HORMAD2: variants seen among roughly 807,000 people sequenced by gnomAD.
HORMAD2 encodes the protein HORMA domain-containing protein 2.
Under a neutral mutation model 38.8 loss-of-function variants are expected in HORMAD2, and 45 were observed. That is an observed-to-expected ratio of 1.16 (90% CI 0.91 to 1.49). The LOEUF (loss-of-function observed/expected upper bound fraction) is 1.49, where lower values mean the gene tolerates loss of function less well. HORMAD2 is among the 40% of genes most tolerant of loss of function. The pLI is 0.00. For synonymous variants in HORMAD2, 126 were observed against 122.8 expected (o/e 1.03, Z -0.17); for missense variants, 338 against 367.0 (o/e 0.92, Z 0.65).
At chr22:30,132,944 C>T in intron 10 of HORMAD2, among the ~76,000 whole-genome samples, 1 of 152,046 alleles carries the variant, frequency 6.6e-6, no homozygotes. Context: ...TTGGATGTTA[C>T]AATTAATAAG....
At chr22:30,130,925 AG>A (rs377092996) in intron 10 of HORMAD2, among the ~76,000 whole-genome samples, 12 of 152,130 alleles carry the variant, frequency 7.9e-5, no homozygotes, top group African/African-American at 2.6e-4. Flanking sequence ...GGGGTGTTTT[AG>A]GCCTAAGCTA....
chr22:30,180,917 CT>C (rs1251530105), downstream of HORMAD2, among the ~76,000 whole-genome samples: 7 of 73,246 alleles, frequency 9.6e-5, no homozygotes, highest in Admixed American at 2.3e-4. Flanking sequence ...TTCCCTTTCC[CT>C]TCCCTCTCCT....
intron 10 of HORMAD2, among the ~76,000 whole-genome samples, chr22:30,122,900 GTGTTA>G (rs1032984970): frequency 6.6e-6 from 1 of 152,166 alleles, no homozygotes; most frequent in African/African-American, 2.4e-5. Context: ...TGACAACATT[GTGTTA>G]AAAGGGTTCT....
chr22:30,206,051 C>T, the HORMAD2 span, among the ~76,000 whole-genome samples: 9 of 152,310 alleles, frequency 5.9e-5, no homozygotes, highest in Middle Eastern at 3.4e-3. Flanking sequence ...GCAACTCTCG[C>T]GTGCTCAGTA....
At chr22:30,135,614 C>T (rs972819125) in intron 10 of HORMAD2, among the ~76,000 whole-genome samples, 8 of 152,108 alleles carry the variant, frequency 5.3e-5, no homozygotes, top group Admixed American at 3.9e-4. Flanking sequence ...AAACTGGCAA[C>T]TTAACAATTC....
chr22:30,135,633 C>G (rs1442550574), intron 10 of HORMAD2, among the ~76,000 whole-genome samples: 1 of 152,130 alleles, frequency 6.6e-6, no homozygotes, highest in Non-Finnish European at 1.5e-5. Flanking sequence ...TCCCAGAGCT[C>G]TCACAGGGAT....
intron 7 of HORMAD2, among the ~76,000 whole-genome samples, chr22:30,115,668 A>G (rs1055181031): frequency 6.6e-6 from 1 of 152,202 alleles, no homozygotes; most frequent in Non-Finnish European, 1.5e-5. Flanking sequence ...CTAGAAGCCT[A>G]CGTTCTTATG....
chr22:30,104,303 A>C, intron 4 of HORMAD2, 98 bp from the exon 5 acceptor site: 2 of 870,744 alleles, frequency 2.3e-6, no homozygotes, highest in Non-Finnish European at 3.8e-6. Flanking sequence ...TATCAACTTA[A>C]TGTACATCAA....
chr22:30,149,637 C>T lies in HORMAD2; in HGVS notation c.820-26426C>T, dbSNP rs9625929. ...TCCTGGAATTTCCTTTCGCCAACTT[C>T]CAGGGAATTCTTTGCCCCTCCCCTG... On this transcript the variant is annotated intron_variant, in intron 10 of 10. Transcript: ENST00000336726. Among the ~76,000 whole-genome samples, 1,073 of 152,312 alleles carry T rather than the reference C, an allele frequency of 7.0e-3. 12 individuals carry two copies. The highest frequency in any genetic ancestry group is 0.023 in the African/African-American group (954 of 41,572).
At chr22:30,098,817 A>T (rs1569085109) in intron 2 of HORMAD2, 35 bp from the exon 3 acceptor site, 1 of 1,584,214 alleles carries the variant, frequency 6.3e-7, no homozygotes, top group Non-Finnish European at 8.6e-7. Flanking sequence ...ATATTAAATA[A>T]TACTAATCTT....
At chr22:30,182,690 C>T in the HORMAD2 span, among the ~76,000 whole-genome samples, 736 of 152,298 alleles carry the variant, frequency 4.8e-3, 8 homozygotes, top group African/African-American at 0.016. Context: ...ACTCAGGAGG[C>T]TGAGGCGGGA....
At chr22:30,134,693 C>T (rs967308330) in intron 10 of HORMAD2, among the ~76,000 whole-genome samples, 2 of 140,108 alleles carry the variant, frequency 1.4e-5, no homozygotes, top group Admixed American at 1.4e-4. Context: ...GCTCTGTCAC[C>T]AAAAAAAGAA....
intron 7 of HORMAD2, among the ~76,000 whole-genome samples, chr22:30,117,129 A>T (rs79345805): frequency 0.013 from 1,976 of 152,340 alleles, 48 homozygotes; most frequent in African/African-American, 0.046. Flanking sequence ...TTTAAGCATC[A>T]TGAGCCAATT....
intron 5 of HORMAD2, among the ~76,000 whole-genome samples, chr22:30,111,152 C>CAAAAAAAAAAAAA (rs548430920): frequency 1.2e-5 from 1 of 83,062 alleles, no homozygotes; most frequent in African/African-American, 5.6e-5. Flanking sequence ...AAGACTCTGT[C>CAAAAAAAAAAAAA]AAAAAAAAAA....
At chr22:30,130,689 C>G (rs1923219542) in intron 10 of HORMAD2, among the ~76,000 whole-genome samples, 1 of 147,092 alleles carries the variant, frequency 6.8e-6, no homozygotes, top group African/African-American at 2.5e-5. Context: ...CTCCTGGGAT[C>G]AAGCCATTCT....
At chr22:30,110,374 G>A (rs1434545275) in intron 5 of HORMAD2, among the ~76,000 whole-genome samples, 1 of 146,846 alleles carries the variant, frequency 6.8e-6, no homozygotes, top group Non-Finnish European at 1.5e-5. Flanking sequence ...ATCGAATTGT[G>A]AGCATATACT....
intron 10 of HORMAD2, among the ~76,000 whole-genome samples, chr22:30,174,325 G>C (rs1417423217): frequency 2.0e-5 from 3 of 152,182 alleles, no homozygotes; most frequent in Non-Finnish European, 4.4e-5. Flanking sequence ...AACTCAGCCA[G>C]TTGGAATACA....
At chr22:30,101,133 C>CAT (rs1194498794) in intron 3 of HORMAD2, among the ~76,000 whole-genome samples, 1 of 152,196 alleles carries the variant, frequency 6.6e-6, no homozygotes, top group Non-Finnish European at 1.5e-5. Context: ...CACATGCACA[C>CAT]ATATGTTTAT....
the HORMAD2 span, among the ~76,000 whole-genome samples, chr22:30,192,460 T>C: frequency 1.3e-5 from 2 of 152,066 alleles, no homozygotes; most frequent in Non-Finnish European, 2.9e-5. Flanking sequence ...GGTTTGGTGA[T>C]AGAAAATGGA....
Sources: gnomAD v4.1 joint callset for allele counts (sites outside exome capture counted in the v4.1 genomes callset) on GRCh38, gnomAD v4.1.1 for gene constraint, MANE v1.5 for transcripts, NCBI Gene and HGNC (gene_info 2026-07-23, HGNC 2026-07-21) for gene names.